Variants in CNTNAP2 observed in about 807,000 individuals in gnomAD.
The protein encoded by CNTNAP2 is contactin associated protein 2, also known as contactin-associated protein-like 2.
Under a neutral mutation model 155.2 loss-of-function variants are expected in CNTNAP2, and 98 were observed. The observed-to-expected ratio is 0.63, with a 90% CI of 0.54 to 0.75. CNTNAP2 has a LOEUF of 0.75. Ranked by LOEUF, CNTNAP2 falls within the 30% of genes least tolerant of loss-of-function variation. CNTNAP2 has a pLI of 0.00. For missense variants in CNTNAP2, 1,727 were observed against 1,688.1 expected, an observed-to-expected ratio of 1.02 and a Z score of -0.40; for synonymous variants, 651 against 631.2, an observed-to-expected ratio of 1.03 and a Z score of -0.47.
rs544738631 is a variant in CNTNAP2 at position 146,889,575 on chromosome 7, C to T, written c.402+49671C>T. On this transcript the variant is annotated intron_variant, in intron 3 of 23. Coordinates refer to ENST00000361727, the MANE Select transcript of CNTNAP2 (RefSeq NM_014141.6). ...AATTTACTATTTTATTCTGCATGGT[C>T]TTCTTATTTTAAATAAAATGTACAT... Among the ~76,000 whole-genome samples the T allele has an allele frequency of 9.9e-5, 15 of 152,110 alleles. No homozygotes were observed. The East Asian group carries it at 2.5e-3, about 25-fold the overall frequency.
chr7:148,047,197 A>G (rs922802884), intron 15 of CNTNAP2, among the ~76,000 whole-genome samples: 2 of 152,262 alleles, frequency 1.3e-5, no homozygotes, highest in East Asian at 3.8e-4. Flanking sequence ...AGTATGACCC[A>G]TAAAATCACT....
intron 2 of CNTNAP2, among the ~76,000 whole-genome samples, chr7:146,836,992 C>A (rs1032271037): frequency 1.3e-5 from 2 of 151,922 alleles, no homozygotes; most frequent in African/African-American, 4.8e-5. Context: ...CCTCTGAATA[C>A]CTTTAAGATT....
rs73463236 is a variant in CNTNAP2, at chr7:146,979,377, T to G, written c.403-64530T>G. On this transcript the variant is annotated intron_variant, in intron 3 of 23. Transcript: ENST00000361727. ...CCTAGAATACTACTCCCTCCAATCT[T>G]TATATGGCTGGCTCCTTCTTATTAT... Among the ~76,000 whole-genome samples, 428 of 152,306 alleles carry G rather than the reference T, an allele frequency of 2.8e-3. 1 individual carries two copies. Among genetic ancestry groups the G allele is most frequent in the African/African-American group, 9.8e-3 (409 of 41,568 alleles).
intron 1 of CNTNAP2, among the ~76,000 whole-genome samples, chr7:146,485,624 C>T (rs116367471): frequency 0.015 from 2,290 of 152,152 alleles, 53 homozygotes; most frequent in African/African-American, 0.05. Flanking sequence ...AAGATAATCC[C>T]ATGAAGCTTT....
chr7:147,354,428 C>T (rs1378624844), intron 9 of CNTNAP2, among the ~76,000 whole-genome samples: 1 of 152,106 alleles, frequency 6.6e-6, no homozygotes, highest in Non-Finnish European at 1.5e-5. Context: ...TCAGGTTTGT[C>T]AAAGATCAGA....
At chr7:146,760,940 G>A (rs1463514171) in intron 1 of CNTNAP2, among the ~76,000 whole-genome samples, 1 of 152,148 alleles carries the variant, frequency 6.6e-6, no homozygotes, top group Non-Finnish European at 1.5e-5. Context: ...AACCTGTGAA[G>A]TCTTGAATCA....
At chr7:146,286,106 G>C (rs1800332778) in intron 1 of CNTNAP2, among the ~76,000 whole-genome samples, 1 of 141,906 alleles carries the variant, frequency 7.0e-6, no homozygotes, top group African/African-American at 2.7e-5. Flanking sequence ...CTGGTTCATG[G>C]GCAATCGAAT....
chr7:146,323,179 A>G (rs916254145), intron 1 of CNTNAP2, among the ~76,000 whole-genome samples: 3 of 152,172 alleles, frequency 2.0e-5, no homozygotes, highest in African/African-American at 7.2e-5. Context: ...AGCAAAGCAT[A>G]CCAGCGTCCC....
intron 1 of CNTNAP2, among the ~76,000 whole-genome samples, chr7:146,132,818 G>A (rs951952703): frequency 2.7e-5 from 4 of 149,360 alleles, no homozygotes; most frequent in African/African-American, 9.9e-5. Flanking sequence ...ATCGTTGTTG[G>A]ACATTTGGGT....
At chr7:148,303,407 G>T (rs974263548) in intron 21 of CNTNAP2, among the ~76,000 whole-genome samples, 1 of 152,142 alleles carries the variant, frequency 6.6e-6, no homozygotes, top group South Asian at 2.1e-4. Context: ...CAGCCAACAC[G>T]CCATGAGAGC....
chr7:148,190,771 G>T (rs1795191559), intron 18 of CNTNAP2: 1 of 151,772 alleles, frequency 6.6e-6, no homozygotes, highest in Non-Finnish European at 1.5e-5. Flanking sequence ...GGCGGCCACT[G>T]GTACAAGTTC....
intron 13 of CNTNAP2, among the ~76,000 whole-genome samples, chr7:147,774,434 A>G (rs1355434920): frequency 2.6e-5 from 4 of 152,216 alleles, no homozygotes; most frequent in Non-Finnish European, 4.4e-5. Flanking sequence ...GAGAGGGTTA[A>G]AACAATAGAA....
chr7:146,530,798 T>C (rs74829048), intron 1 of CNTNAP2, among the ~76,000 whole-genome samples: 2 of 152,378 alleles, frequency 1.3e-5, no homozygotes, highest in African/African-American at 4.8e-5. Context: ...GTTCAGCTAC[T>C]GTAGAAAGTA....
chr7:146,390,788 G>C (rs2129106530), intron 1 of CNTNAP2, among the ~76,000 whole-genome samples: 1 of 138,600 alleles, frequency 7.2e-6, no homozygotes, highest in East Asian at 2.1e-4. Flanking sequence ...ACGTATTTTA[G>C]CTGGGTGTGG....
intron 3 of CNTNAP2, among the ~76,000 whole-genome samples, chr7:146,968,942 G>T: frequency 6.8e-6 from 1 of 146,710 alleles, no homozygotes; most frequent in African/African-American, 2.6e-5. Flanking sequence ...TCTCTTGTGG[G>T]CATTTAGTGC....
At chr7:146,224,007 A>G (rs755446735) in intron 1 of CNTNAP2, among the ~76,000 whole-genome samples, 57 of 152,226 alleles carry the variant, frequency 3.7e-4, no homozygotes, top group Non-Finnish European at 7.3e-4. Flanking sequence ...GGAAAATAAC[A>G]TACTTTGGCT....
rs769071764 is a variant in CNTNAP2 at position 147,300,176 on chromosome 7, C to T, written c.1384C>T (p.Arg462Cys). 13 of 1,613,874 alleles carry T rather than the reference C, an allele frequency of 8.1e-6. No homozygotes were observed. Among genetic ancestry groups the T allele is most frequent in the Admixed American group, 1.7e-5 (1 of 59,976 alleles). Residue 462 changes from arginine (R) to cysteine (C), a missense_variant, in exon 9 of 24, where the codon CGC (arginine) becomes TGC (cysteine). Physicochemically the swap from Arg to Cys is radical, Grantham distance 180. Transcript: ENST00000361727. ...GAATGATGGACAGTGGCACGAGGTT[C>T]GCTTCCTAGCCAAGGAAAATTTTGC... is the stretch of plus-strand genomic sequence containing the variant. ...GLNDGQWHEV[R>C]FLAKENFAIL...
rs1374691967 is a variant in CNTNAP2 at position 148,377,589 on chromosome 7, C to T, written c.3476-6060C>T. Among the ~76,000 whole-genome samples, 10 of 67,182 alleles carry T rather than the reference C, an allele frequency of 1.5e-4. 3 individuals are homozygous for T. The highest frequency in any genetic ancestry group is 2.1e-4 in the Non-Finnish European group (5 of 24,014). The allele number at this position is 67,182 out of a possible 152,430, so 44.1% of individuals were successfully genotyped here. On this transcript the variant is annotated intron_variant, in intron 21 of 23. Transcript: ENST00000361727. ...GAATACACTGCTGAATTCCTGAATA[C>T]GCTGAAGACCTCCCCCTCCTCTTTC...
intron 8 of CNTNAP2, among the ~76,000 whole-genome samples, chr7:147,134,087 A>G (rs2129285636): frequency 6.6e-6 from 1 of 152,166 alleles, no homozygotes; most frequent in East Asian, 1.9e-4. Context: ...ATGACTAAAC[A>G]TAAAAATATT....
Sources: gnomAD v4.1 joint callset for allele counts (sites outside exome capture counted in the v4.1 genomes callset) on GRCh38, gnomAD v4.1.1 for gene constraint, MANE v1.5 for transcripts, NCBI Gene and HGNC (gene_info 2026-07-23, HGNC 2026-07-21) for gene names.